FRMPD4: variants seen among roughly 807,000 people sequenced by gnomAD.
FRMPD4 encodes FERM and PDZ domain containing 4.
Under a neutral mutation model 94.1 loss-of-function variants are expected in FRMPD4, and 22 were observed. The ratio of observed to expected loss-of-function variants is 0.23; its 90% CI spans 0.17 to 0.33. FRMPD4 has a LOEUF of 0.33. FRMPD4 is among the 10% of genes least tolerant of loss of function. FRMPD4 has a pLI of 1.00. For synonymous variants in FRMPD4, 631 were observed against 548.6 expected (o/e 1.15, Z -2.10); for missense variants, 1,111 against 1,339.9 (o/e 0.83, Z 2.67).
At chrX:12,464,455 C>T (rs184834475) in intron 1 of FRMPD4, among the ~76,000 whole-genome samples, 1 of 112,433 alleles carries the variant, frequency 8.9e-6, no homozygotes, top group East Asian at 2.8e-4. Flanking sequence ...TTACCATCAT[C>T]TGGAAAGTTC....
chrX:12,129,850 T>A (rs1434786475), intron 3 of FRMPD4, among the ~76,000 whole-genome samples: 1 of 111,901 alleles, frequency 8.9e-6, no homozygotes, highest in Non-Finnish European at 1.9e-5. Context: ...AAGCCTGAGA[T>A]GACATGTGCA....
At chrX:11,932,942 T>G (rs1175745617) in intron 3 of FRMPD4, among the ~76,000 whole-genome samples, 1 of 111,810 alleles carries the variant, frequency 8.9e-6, no homozygotes, top group Non-Finnish European at 1.9e-5. Context: ...GTTGCTTTCT[T>G]GTTTATAATT....
chrX:11,995,838 T>C (rs1271756288), intron 3 of FRMPD4, among the ~76,000 whole-genome samples: 1 of 111,912 alleles, frequency 8.9e-6, no homozygotes, highest in Non-Finnish European at 1.9e-5. Flanking sequence ...TGAATGTCCA[T>C]TTCCATAATT....
At chrX:12,651,462 A>G (rs1161278421) in intron 4 of FRMPD4, among the ~76,000 whole-genome samples, 1 of 109,568 alleles carries the variant, frequency 9.1e-6, no homozygotes. Context: ...CCTTACAACA[A>G]TCCTTTGTAC....
chrX:12,018,418 TG>T (rs1158064995), intron 3 of FRMPD4, among the ~76,000 whole-genome samples: 3 of 110,343 alleles, frequency 2.7e-5, no homozygotes, highest in Admixed American at 9.6e-5. Flanking sequence ...TTTGTTTTTT[TG>T]TTTTTTTTGT....
chrX:11,831,012 G>A (rs1369568360), intron 1 of FRMPD4, among the ~76,000 whole-genome samples: 2 of 110,347 alleles, frequency 1.8e-5, no homozygotes, highest in Admixed American at 2.0e-4. Flanking sequence ...TACCAGAAAA[G>A]TAAAAGAAAT....
intron 3 of FRMPD4, among the ~76,000 whole-genome samples, chrX:11,981,966 T>G (rs1478325103): frequency 8.9e-6 from 1 of 111,909 alleles, no homozygotes; most frequent in Non-Finnish European, 1.9e-5. Flanking sequence ...GGTGTATCTT[T>G]GTAACTCTAC....
chrX:12,408,375 TTTTCA>T (rs2056692234), intron 1 of FRMPD4, among the ~76,000 whole-genome samples: 1 of 110,635 alleles, frequency 9.0e-6, no homozygotes, highest in Admixed American at 9.7e-5. Flanking sequence ...TTACTCTTAG[TTTTCA>T]TTTCTGATTT....
At chrX:12,691,632 A>T (rs1361912728) in intron 8 of FRMPD4, among the ~76,000 whole-genome samples, 1 of 111,775 alleles carries the variant, frequency 8.9e-6, no homozygotes, top group East Asian at 2.8e-4. Flanking sequence ...CTCCAGAGGC[A>T]GAACTTAAGG....
At chrX:12,439,665 T>A (rs2057112620) in intron 1 of FRMPD4, among the ~76,000 whole-genome samples, 1 of 112,195 alleles carries the variant, frequency 8.9e-6, no homozygotes, top group Non-Finnish European at 1.9e-5. Flanking sequence ...CCCTTGAAAT[T>A]ATATCCAGCC....
chrX:12,211,579 T>C (rs988431229), intron 1 of FRMPD4, among the ~76,000 whole-genome samples: 10 of 112,468 alleles, frequency 8.9e-5, no homozygotes, highest in African/African-American at 3.2e-4. Context: ...ATTACCTTCA[T>C]GTTTTCTTTG....
Position 12,500,524 on chromosome X carries a change from A to G in FRMPD4, c.158+1728A>G, listed in dbSNP as rs772043183. Among the ~76,000 whole-genome samples the G allele has an allele frequency of 1.4e-4, 15 of 110,869 alleles. No homozygotes were observed. The South Asian group carries it at 3.1e-3, about 23-fold the overall frequency. ...GACAGGACTCCCACCCCTTCAGAGCACAGTTTCTTTCTGACGTACTTAACT... is the reference window on the plus strand; with the variant it reads ...GACAGGACTCCCACCCCTTCAGAGCGCAGTTTCTTTCTGACGTACTTAACT... On this transcript the variant is annotated intron_variant, in intron 2 of 16. Transcript: ENST00000675598.
At chrX:12,522,967 G>T (rs1411771602) in intron 2 of FRMPD4, among the ~76,000 whole-genome samples, 1 of 111,894 alleles carries the variant, frequency 8.9e-6, no homozygotes, top group African/African-American at 3.2e-5. Context: ...AGCCCTCATT[G>T]TGAGGCCCAC....
intron 3 of FRMPD4, among the ~76,000 whole-genome samples, chrX:11,897,341 G>A (rs543971303): frequency 2.7e-5 from 3 of 110,484 alleles, no homozygotes; most frequent in East Asian, 2.9e-4. Flanking sequence ...ATTTGTTAGG[G>A]GTGATAATGG....
At chrX:12,027,612 C>CA (rs200852817) in intron 3 of FRMPD4, among the ~76,000 whole-genome samples, 12,974 of 105,654 alleles carry the variant, frequency 0.12, 870 homozygotes, top group East Asian at 0.24. Context: ...AGTCCTGATG[C>CA]AAAAAAAAAA....
At position 12,695,696 on chromosome X, in the gene FRMPD4, C is replaced by CCCGG. The variant is rs1357855359; in HGVS notation, c.933+1245_933+1248dup. Among the ~76,000 whole-genome samples the CCCGG allele has an allele frequency of 4.5e-5, 5 of 111,752 alleles. No homozygotes were observed. The East Asian group carries it at 8.4e-4, about 19-fold the overall frequency. ...GGGATTACAGGCGTGAGCCACCGTG[C>CCCGG]CCGGCCTGTAACTCTTATTATCTTC... On this transcript the variant is annotated intron_variant, in intron 9 of 16. Transcript: ENST00000675598.
chrX:12,631,899 C>T (rs932368988), intron 4 of FRMPD4, among the ~76,000 whole-genome samples: 4 of 111,706 alleles, frequency 3.6e-5, no homozygotes, highest in African/African-American at 6.5e-5. Context: ...TGGAATTAAC[C>T]TGCATTTAAC....
intron 1 of FRMPD4, among the ~76,000 whole-genome samples, chrX:12,452,538 G>GT (rs1205947385): frequency 8.9e-6 from 1 of 111,855 alleles, no homozygotes. Context: ...CAGTCCCTCT[G>GT]TTCTCTGTCA....
At chrX:12,654,606 G>A (rs2059633750) in intron 4 of FRMPD4, among the ~76,000 whole-genome samples, 2 of 111,741 alleles carry the variant, frequency 1.8e-5, no homozygotes, top group Non-Finnish European at 3.8e-5. Context: ...TCATGAGATG[G>A]AAGTCAAAGT....
Sources: allele counts gnomAD v4.1 joint callset (sites outside exome capture counted in the v4.1 genomes callset), GRCh38; gene constraint gnomAD v4.1.1; transcripts MANE v1.5; gene names NCBI Gene and HGNC (gene_info 2026-07-23, HGNC 2026-07-21).